The following GALR1 variants were observed in gnomAD, a reference collection of about 807,000 sequenced individuals.
The protein encoded by GALR1 is galanin receptor 1, also known as galanin receptor type 1.
A neutral mutation model predicts 17.9 loss-of-function variants in GALR1; 11 were observed. That is an observed-to-expected ratio of 0.62 (90% confidence interval 0.39 to 1.02). The LOEUF is 1.02. Ranked by LOEUF, GALR1 falls within the 50% of genes least tolerant of loss-of-function variation. The pLI is 0.01. For synonymous variants in GALR1, 206 were observed against 205.7 expected, an observed-to-expected ratio of 1.00 and a Z score of -0.01; for missense variants, 441 against 456.9, an observed-to-expected ratio of 0.97 and a Z score of 0.32.
At position 77,253,346 on chromosome 18, in the gene GALR1, C is replaced by G. The variant is rs572135792; in HGVS notation, c.666+2132C>G. ...GGAAGGATTTTAACACAGGGATTCCCAGTCTTCTGAGGACGGGACAGTTGG... is the reference window on the plus strand; with the variant it reads ...GGAAGGATTTTAACACAGGGATTCCGAGTCTTCTGAGGACGGGACAGTTGG... On this transcript the variant is annotated intron_variant, in intron 1 of 2. Coordinates refer to ENST00000299727, the MANE Select transcript of GALR1 (RefSeq NM_001480.4). 2.0e-5 allele frequency among the ~76,000 whole-genome samples: 3 copies of G among 152,290 alleles called. No individual in the cohort carries two copies. In the South Asian group the frequency reaches 6.2e-4, roughly 32 times the overall value.
intron 2 of GALR1, among the ~76,000 whole-genome samples, chr18:77,257,066 A>G (rs1020546721): frequency 1.3e-5 from 2 of 152,140 alleles, no homozygotes; most frequent in African/African-American, 4.8e-5. Flanking sequence ...TTTTCCTTAT[A>G]TTTATTATGA....
In GALR1 at chr18:77,273,616, C is replaced by A. The variant is rs1158277202; in HGVS notation, c.*4714C>A. ...CACCATTGCACTCCAGCCTGGGCAA[C>A]AAGAGTGAAACTCTGTCTCAAAAAA... is the stretch of plus-strand genomic sequence containing the variant. On this transcript the variant is annotated 3_prime_UTR_variant, in exon 3 of 3. Transcript: ENST00000299727. 2 of 150,082 alleles carry A rather than the reference C, an allele frequency of 1.3e-5. No individual in the cohort carries two copies. The highest frequency in any genetic ancestry group is 4.9e-5 in the African/African-American group (2 of 40,708). 9.3% of individuals were successfully genotyped at this position (150,082 alleles called of 1,614,324 possible). A position where few individuals can be genotyped will look rare whatever the true frequency, so the allele number is the denominator to read the frequency against.
rs765419205 is a variant in GALR1 at position 77,250,757 on chromosome 18, C to T, written c.209C>T (p.Thr70Ile). 9 of 1,613,856 alleles carry T rather than the reference C, an allele frequency of 5.6e-6. No homozygotes were observed. In the East Asian group the frequency reaches 8.9e-5, roughly 16 times the overall value. Residue 70 changes from threonine to isoleucine, a missense_variant, in exon 1 of 3, where the codon ACC becomes ATC. Coordinates refer to ENST00000299727, the MANE Select transcript of GALR1 (RefSeq NM_001480.4). ...RSKPGKPRST[T>I]NLFILNLSIA... ...AAGCCGGGCAAGCCGCGGAGCACCA[C>T]CAACCTGTTCATCCTCAACCTGAGC...
At position 77,277,314 on chromosome 18, in the gene GALR1, G is replaced by A. The variant is rs1211490675; in HGVS notation, c.*8412G>A. On this transcript the variant is annotated 3_prime_UTR_variant, in exon 3 of 3. Transcript: ENST00000299727. Reference sequence around the variant, plus strand: ...ATCCTCACGTGTCAAGGACCAGCAGGTGGAGATAATTGAATTATGGGGCCG... The same window carrying A: ...ATCCTCACGTGTCAAGGACCAGCAGATGGAGATAATTGAATTATGGGGCCG... The A allele has an allele frequency of 2.6e-5, 4 of 152,188 alleles. No individual in the cohort carries two copies. Among genetic ancestry groups the A allele is most frequent in the Admixed American group, 1.3e-4 (2 of 15,278 alleles). The allele number at this position is 152,188 out of a possible 1,614,324, so 9.4% of individuals were successfully genotyped here.
Position 77,250,066 on chromosome 18 carries a change from T to TGGGCAGTGCGGGG in GALR1, c.-482_-470dup, listed in dbSNP as rs997127373. Among the ~76,000 whole-genome samples, 2 of 152,164 alleles carry TGGGCAGTGCGGGG rather than the reference T, an allele frequency of 1.3e-5. No individual in the cohort carries two copies. Among genetic ancestry groups the TGGGCAGTGCGGGG allele is most frequent in the Non-Finnish European group, 2.9e-5 (2 of 68,022 alleles). On this transcript the variant is annotated 5_prime_UTR_variant, in exon 1 of 3. An upstream open reading frame in the 5' UTR loses its in-frame stop. Coordinates refer to ENST00000299727, the MANE Select transcript of GALR1 (RefSeq NM_001480.4). ...AGCCGCACAGTGCACTGCTGCGCGC[T>TGGGCAGTGCGGGG]GGGCAGTGCGGGGAAGCGCCGCGGG...
chr18:77,250,491 A>G lies in GALR1; in HGVS notation c.-58A>G, dbSNP rs13306375. 0.43 allele frequency: 608,794 copies of G among 1,405,608 alleles called. 134,338 individuals are homozygous for G. The highest frequency in any genetic ancestry group is 0.47 in the Middle Eastern group (1,753 of 3,750). 87.1% of individuals were successfully genotyped at this position (1,405,608 alleles called of 1,614,324 possible). Reference sequence around the variant, plus strand: ...GGACCCCTGGCCACCCCCGGCGCCTACTATCCCGCCCTCCCTCCCCGCGCG... The same window carrying G: ...GGACCCCTGGCCACCCCCGGCGCCTGCTATCCCGCCCTCCCTCCCCGCGCG... On this transcript the variant is annotated 5_prime_UTR_variant, in exon 1 of 3. Coordinates refer to ENST00000299727, the MANE Select transcript of GALR1 (RefSeq NM_001480.4).
At chr18:77,258,211 G>C (rs1912635235) in intron 2 of GALR1, among the ~76,000 whole-genome samples, 1 of 152,112 alleles carries the variant, frequency 6.6e-6, no homozygotes, top group South Asian at 2.1e-4. Flanking sequence ...ATTTATGTGA[G>C]TATATGTATA....
Position 77,258,681 on chromosome 18 carries a change from A to ATGGTGATGGTGGTGGG in GALR1, c.732+2473_732+2474insGTGGTGATGGTGGTGG, listed in dbSNP as rs1347648620. ...GGTGGTGGTGGTGGTCATGGTGGTG[A>ATGGTGATGGTGGTGGG]TGGTGATGGTGGTGGTGGTCATGTG... is the stretch of plus-strand genomic sequence containing the variant. On this transcript the variant is annotated intron_variant, in intron 2 of 2. Coordinates refer to ENST00000299727, the MANE Select transcript of GALR1 (RefSeq NM_001480.4). Among the ~76,000 whole-genome samples, 110 of 92,994 alleles carry ATGGTGATGGTGGTGGG rather than the reference A, an allele frequency of 1.2e-3. 1 individual carries two copies. Among genetic ancestry groups the ATGGTGATGGTGGTGGG allele is most frequent in the East Asian group, 7.1e-3 (20 of 2,834 alleles). 61.0% of individuals were successfully genotyped at this position (92,994 alleles called of 152,430 possible). A position where few individuals can be genotyped will look rare whatever the true frequency, so the allele number is the denominator to read the frequency against.
rs531223681 is a variant in GALR1 at position 77,256,647 on chromosome 18, C to T, written c.732+424C>T. 3.0e-4 allele frequency among the ~76,000 whole-genome samples: 45 copies of T among 152,214 alleles called. 1 individual carries two copies. In the South Asian group the frequency reaches 8.5e-3, roughly 29 times the overall value. On this transcript the variant is annotated intron_variant, in intron 2 of 2. Coordinates refer to ENST00000299727, the MANE Select transcript of GALR1 (RefSeq NM_001480.4). Reference sequence around the variant, plus strand: ...CTGGTTTGGTTCTTGTTTAAGACAACATTGTTATAATCCCTCCCTAAAGCC... The same window carrying T: ...CTGGTTTGGTTCTTGTTTAAGACAATATTGTTATAATCCCTCCCTAAAGCC...
chr18:77,271,019 T>G lies in GALR1; in HGVS notation c.*2117T>G, dbSNP rs1189424827. 6.6e-6 allele frequency: 1 copy of G among 152,180 alleles called. No homozygotes were observed. Among genetic ancestry groups the G allele is most frequent in the East Asian group, 1.9e-4 (1 of 5,200 alleles). 9.4% of individuals were successfully genotyped at this position (152,180 alleles called of 1,614,324 possible). On this transcript the variant is annotated 3_prime_UTR_variant, in exon 3 of 3. Transcript: ENST00000299727. ...TGTAAAGAAGTGCCTTCTTGTTGTG[T>G]TTGAGTTTGCATGAATGGAAATGAT...
In GALR1 at chr18:77,258,594, G is replaced by GTGGTGGTGA. The variant is rs1194723995; in HGVS notation, c.732+2378_732+2379insGATGGTGGT. Among the ~76,000 whole-genome samples the GTGGTGGTGA allele has an allele frequency of 4.1e-3, 149 of 36,050 alleles. 3 individuals carry two copies. The highest frequency in any genetic ancestry group is 0.011 in the African/African-American group (146 of 12,790). 23.7% of individuals were successfully genotyped at this position (36,050 alleles called of 152,430 possible). A position where few individuals can be genotyped will look rare whatever the true frequency, so the allele number is the denominator to read the frequency against. On this transcript the variant is annotated intron_variant, in intron 2 of 2. Coordinates refer to ENST00000299727, the MANE Select transcript of GALR1 (RefSeq NM_001480.4). The stretch of plus-strand genomic sequence containing the variant: ...GGTGGTGGTGGTCATGGTGGTGATG[G>GTGGTGGTGA]TGGTGGTCATGGTGGTGATGGTGGT...
chr18:77,250,643 A>T lies in GALR1; in HGVS notation c.95A>T (p.Glu32Val), dbSNP rs1323631877. ...EPGPLFGIGV[E>V]NFVTLVVFGL... ...GGGCCGCTGTTCGGCATCGGCGTGG[A>T]GAACTTCGTCACGCTGGTGGTGTTC... Residue 32 changes from glutamate to valine, a missense_variant, in exon 1 of 3, where the codon GAG (glutamate) becomes GTG (valine). Coordinates refer to ENST00000299727, the MANE Select transcript of GALR1 (RefSeq NM_001480.4). The T allele has an allele frequency of 6.2e-7, 1 of 1,602,982 alleles. No individual in the cohort carries two copies. Among genetic ancestry groups the T allele is most frequent in the Non-Finnish European group, 8.5e-7 (1 of 1,176,168 alleles).
chr18:77,265,878 A>C (rs985374609), intron 2 of GALR1, among the ~76,000 whole-genome samples: 6 of 152,200 alleles, frequency 3.9e-5, no homozygotes, highest in African/African-American at 1.4e-4. Context: ...GGGCTTGGAC[A>C]TGAAACCACT....
At position 77,256,169 on chromosome 18, in the gene GALR1, CT is replaced by C; in HGVS notation, c.680del (p.Leu227CysfsTer5). On this transcript the variant is annotated frameshift_variant, in exon 2 of 3. Coordinates refer to ENST00000299727, the MANE Select transcript of GALR1 (RefSeq NM_001480.4). LOFTEE classifies it high-confidence loss of function. ...CFCYAKVLNHLHKKLKNMSKK... is the reference protein window; with the variant it reads ...CFCYAKVLNHXHKKLKNMSKK... ...TCTGTGTCTTTCAGGTCCTTAATCACTTGCATAAAAAGTTGAAGAACATGTC... is the reference window on the plus strand; with the variant it reads ...TCTGTGTCTTTCAGGTCCTTAATCACTGCATAAAAAGTTGAAGAACATGTC... The C allele has an allele frequency of 6.2e-7, 1 of 1,602,720 alleles. No homozygotes were observed. The highest frequency in any genetic ancestry group is 8.5e-7 in the Non-Finnish European group (1 of 1,169,792).
At chr18:77,259,440 GATGGTGATC>G (rs1193008278) in intron 2 of GALR1, among the ~76,000 whole-genome samples, 1 of 150,978 alleles carries the variant, frequency 6.6e-6, no homozygotes, top group Admixed American at 6.6e-5. Context: ...TGGTGGTGAT[GATGGTGATC>G]ATGGTGGTGA....
chr18:77,254,648 A>G (rs1450376761), intron 1 of GALR1, among the ~76,000 whole-genome samples: 2 of 152,234 alleles, frequency 1.3e-5, no homozygotes, highest in Admixed American at 1.3e-4. Context: ...CCTCTTGGGC[A>G]GGGTCCTGCC....
rs1441938745 is a variant in GALR1 at position 77,259,316 on chromosome 18, G to GATGGTGGTC, written c.732+3101_732+3109dup. ...TCATGGTGGTGATGATGGTGGTGAT[G>GATGGTGGTC]ATGGTGGTCATGGTGGCGATTGTGG... is the stretch of plus-strand genomic sequence containing the variant. On this transcript the variant is annotated intron_variant, in intron 2 of 2. Coordinates refer to ENST00000299727, the MANE Select transcript of GALR1 (RefSeq NM_001480.4). Among the ~76,000 whole-genome samples the GATGGTGGTC allele has an allele frequency of 9.6e-5, 11 of 114,498 alleles. 1 individual carries two copies. Among genetic ancestry groups the GATGGTGGTC allele is most frequent in the Non-Finnish European group, 1.7e-4 (9 of 51,864 alleles). 75.1% of individuals were successfully genotyped at this position (114,498 alleles called of 152,430 possible). A position where few individuals can be genotyped will look rare whatever the true frequency, so the allele number is the denominator to read the frequency against.
chr18:77,250,177 C>T lies in GALR1; in HGVS notation c.-372C>T, dbSNP rs2144944377. 6.6e-6 allele frequency among the ~76,000 whole-genome samples: 1 copy of T among 152,304 alleles called. No homozygotes were observed. Among genetic ancestry groups the T allele is most frequent in the South Asian group, 2.1e-4 (1 of 4,826 alleles). ...CCGGCGAAGATCTGGAGCGGTAAGG[C>T]GGAGAGAAGGGTCTTTCCACCTGCG... is the stretch of plus-strand genomic sequence containing the variant. On this transcript the variant is annotated 5_prime_UTR_variant, in exon 1 of 3. Transcript: ENST00000299727.
At chr18:77,262,280 A>G (rs892488559) in intron 2 of GALR1, among the ~76,000 whole-genome samples, 1 of 151,846 alleles carries the variant, frequency 6.6e-6, no homozygotes, top group East Asian at 1.9e-4. Flanking sequence ...CTTAAATCCC[A>G]GGGTTGAAAT....
Sources: gnomAD v4.1 joint callset for allele counts (sites outside exome capture counted in the v4.1 genomes callset) on GRCh38, gnomAD v4.1.1 for gene constraint, MANE v1.5 for transcripts, NCBI Gene and HGNC (gene_info 2026-07-23, HGNC 2026-07-21) for gene names.